Variants in TTBK2 observed in about 807,000 individuals in gnomAD.
TTBK2 encodes the protein tau-tubulin kinase 2.
A neutral mutation model predicts 110.8 loss-of-function variants in TTBK2; 28 were observed. The observed-to-expected ratio is 0.25, with a 90% CI of 0.19 to 0.35. TTBK2 has a LOEUF of 0.35. Among genes scored for constraint, TTBK2 ranks in the 10% least tolerant of loss-of-function variants. The pLI is 1.00. For missense variants in TTBK2, 1,369 were observed against 1,500.3 expected (o/e 0.91, Z 1.45); for synonymous variants, 532 against 527.3 (o/e 1.01, Z -0.12).
intron 4 of TTBK2, among the ~76,000 whole-genome samples, chr15:42,830,315 GTAGC>G (rs1386217373): frequency 7.2e-5 from 11 of 151,950 alleles, no homozygotes; most frequent in Admixed American, 2.6e-4. Context: ...AGCCTCCCGA[GTAGC>G]TGGGGTTACA....
chr15:42,886,742 C>T (rs1596024104), intron 1 of TTBK2, among the ~76,000 whole-genome samples: 1 of 152,172 alleles, frequency 6.6e-6, no homozygotes, highest in African/African-American at 2.4e-5. Context: ...AACTTCAAAA[C>T]GCCTAAGCCA....
chr15:42,893,010 CAAAA>C (rs780103161), intron 1 of TTBK2, among the ~76,000 whole-genome samples: 2 of 57,704 alleles, frequency 3.5e-5, no homozygotes, highest in Non-Finnish European at 3.7e-5. Flanking sequence ...GACTCTGTCT[CAAAA>C]AAAAAAAAAA....
intron 6 of TTBK2, among the ~76,000 whole-genome samples, chr15:42,824,462 T>C (rs1892444131): frequency 1.3e-5 from 2 of 152,316 alleles, no homozygotes; most frequent in South Asian, 4.1e-4. Context: ...ACACGGTAAC[T>C]GTACTATTTT....
rs564795460 is a variant in TTBK2, at chr15:42,756,344, G to A, written c.1999-3097C>T. ...CTCATGCCTGTAATCCCAGCACTTT[G>A]GGAGGCTGAGGTGGGCGGATCATCT... On this transcript the variant is annotated intron_variant, in intron 13 of 14. Transcript: ENST00000267890. 3.9e-5 allele frequency among the ~76,000 whole-genome samples: 6 copies of A among 152,196 alleles called. No individual in the cohort carries two copies. In the East Asian group the frequency reaches 7.7e-4, roughly 20 times the overall value.
chr15:42,783,489 C>G lies in TTBK2; in HGVS notation c.1127G>C (p.Arg376Pro), dbSNP rs368815985. The change falls in exon 11 of 15, where the codon CGT becomes CCT. Residue 376 changes from arginine (R) to proline (P), a missense_variant. Transcript: ENST00000267890. ...DKLPGSLGHP[R>P]PQEKDVWEEM... The stretch of plus-strand genomic sequence containing the variant: ...TTCCCAAACATCCTTCTCCTGGGGA[C>G]GGGGGTGTCCCAGAGATCCAGGCAA... 6.2e-7 allele frequency: 1 copy of G among 1,614,122 alleles called. No homozygotes were observed. The highest frequency in any genetic ancestry group is 2.2e-5 in the East Asian group (1 of 44,884).
intron 11 of TTBK2, among the ~76,000 whole-genome samples, chr15:42,778,931 AT>A (rs1207467699): frequency 5.3e-5 from 8 of 152,344 alleles, no homozygotes; most frequent in African/African-American, 1.9e-4. Context: ...AGATAAATAT[AT>A]GCTTAGAAAC....
At chr15:42,914,137 C>G (rs1214434204) in intron 1 of TTBK2, among the ~76,000 whole-genome samples, 1 of 151,782 alleles carries the variant, frequency 6.6e-6, no homozygotes, top group Non-Finnish European at 1.5e-5. Context: ...CCACCATACC[C>G]GGCTAATTTT....
At position 42,884,360 on chromosome 15, in the gene TTBK2, T is replaced by C. The variant is rs576222969; in HGVS notation, c.-67-5676A>G. On this transcript the variant is annotated intron_variant, in intron 1 of 14. Transcript: ENST00000267890. ...ATTTGGTCTTTGTCCCTGGTTCTTG[T>C]TCAGCGCTCATAAAGCCCTTGTAAT... 2.0e-5 allele frequency among the ~76,000 whole-genome samples: 3 copies of C among 152,338 alleles called. No individual in the cohort carries two copies. In the East Asian group the frequency reaches 5.8e-4, roughly 29 times the overall value.
intron 1 of TTBK2, among the ~76,000 whole-genome samples, chr15:42,900,991 C>T (rs891492890): frequency 6.6e-6 from 1 of 152,128 alleles, no homozygotes; most frequent in Non-Finnish European, 1.5e-5. Flanking sequence ...AAAAGATGGA[C>T]TCCTACCTCA....
At chr15:42,778,838 C>T (rs992195142) in intron 11 of TTBK2, among the ~76,000 whole-genome samples, 1 of 152,088 alleles carries the variant, frequency 6.6e-6, no homozygotes, top group Non-Finnish European at 1.5e-5. Context: ...CATTCAGATA[C>T]AGAATGGCTG....
At position 42,785,331 on chromosome 15, in the gene TTBK2, G is replaced by C. The variant is rs1827331928; in HGVS notation, c.981-1696C>G. 2.0e-5 allele frequency among the ~76,000 whole-genome samples: 3 copies of C among 152,072 alleles called. No homozygotes were observed. The South Asian group carries it at 6.2e-4, about 32-fold the overall frequency. On this transcript the variant is annotated intron_variant, in intron 10 of 14. Transcript: ENST00000267890. ...AGATGGGGTTTTGCCATGTTGGCCA[G>C]GCTGGTCTCGAACTCCTGGCCCCAA...
chr15:42,825,657 G>C (rs1427222214), intron 6 of TTBK2, among the ~76,000 whole-genome samples: 2 of 152,212 alleles, frequency 1.3e-5, no homozygotes, highest in Non-Finnish European at 2.9e-5. Context: ...GGAGGTAGCA[G>C]TGAGTCGAGA....
At chr15:42,790,220 A>G (rs1032804682) in intron 10 of TTBK2, among the ~76,000 whole-genome samples, 5 of 152,048 alleles carry the variant, frequency 3.3e-5, no homozygotes, top group African/African-American at 9.7e-5. Context: ...ATAGTATTTT[A>G]TTATTATGTG....
chr15:42,765,694 G>C (rs186000940), intron 13 of TTBK2, among the ~76,000 whole-genome samples: 1 of 152,176 alleles, frequency 6.6e-6, no homozygotes, highest in Non-Finnish European at 1.5e-5. Context: ...AAAACACTCT[G>C]CAGGATATTA....
intron 10 of TTBK2, among the ~76,000 whole-genome samples, chr15:42,792,581 T>C (rs1214986100): frequency 6.6e-6 from 1 of 152,214 alleles, no homozygotes; most frequent in Non-Finnish European, 1.5e-5. Context: ...ATTTATTTAT[T>C]TATTTTTTGG....
chr15:42,763,705 G>C (rs997855516), intron 13 of TTBK2, among the ~76,000 whole-genome samples: 1 of 152,076 alleles, frequency 6.6e-6, no homozygotes, highest in Non-Finnish European at 1.5e-5. Flanking sequence ...ACTTTTTTAA[G>C]AGGCCATACA....
intron 1 of TTBK2, among the ~76,000 whole-genome samples, chr15:42,885,934 G>A (rs1207748777): frequency 6.6e-6 from 1 of 152,080 alleles, no homozygotes; most frequent in African/African-American, 2.4e-5. Context: ...GTTCCAAGTG[G>A]CCAGAGAATG....
At chr15:42,873,128 A>G (rs1260319557) in intron 2 of TTBK2, among the ~76,000 whole-genome samples, 2 of 152,084 alleles carry the variant, frequency 1.3e-5, no homozygotes, top group African/African-American at 4.8e-5. Flanking sequence ...GACTTTTTAA[A>G]CTTTTTAAAC....
At chr15:42,832,891 CAGATAAGGGGGTACTATTGTAAGT>C (rs1892821177) in intron 4 of TTBK2, among the ~76,000 whole-genome samples, 2 of 152,102 alleles carry the variant, frequency 1.3e-5, no homozygotes, top group Admixed American at 6.5e-5. Context: ...AGTATCTCCT[CAGATAAGGGGGTACTATTGTAAGT>C]ACATTAATAA....
Sources: gnomAD v4.1 joint callset for allele counts (sites outside exome capture counted in the v4.1 genomes callset) on GRCh38, gnomAD v4.1.1 for gene constraint, MANE v1.5 for transcripts, NCBI Gene and HGNC (gene_info 2026-07-23, HGNC 2026-07-21) for gene names.